Variants in CELF2 observed in about 807,000 individuals in gnomAD.
The protein encoded by CELF2 is CUGBP Elav-like family member 2.
Under a neutral mutation model 62.6 loss-of-function variants are expected in CELF2, and 8 were observed. That is an observed-to-expected ratio of 0.13 (90% CI 0.07 to 0.23). CELF2 has a LOEUF of 0.23. Ranked by LOEUF, CELF2 falls within the 10% of genes least tolerant of loss-of-function variation. CELF2 has a pLI of 1.00. For synonymous variants in CELF2, 258 were observed against 250.0 expected (o/e 1.03, Z -0.30); for missense variants, 333 against 671.0 (o/e 0.50, Z 5.56).
the CELF2 span, among the ~76,000 whole-genome samples, chr10:10,732,818 C>G: frequency 6.6e-6 from 1 of 152,170 alleles, no homozygotes; most frequent in African/African-American, 2.4e-5. Context: ...GCCACCACGC[C>G]CAGCCTCCAA....
chr10:11,154,576 G>A (rs576071412), intron 1 of CELF2, among the ~76,000 whole-genome samples: 6 of 152,190 alleles, frequency 3.9e-5, no homozygotes, highest in Admixed American at 6.5e-5. Flanking sequence ...AACTGCTGTC[G>A]AGGAATTCAG....
At chr10:10,710,809 C>T in the CELF2 span, among the ~76,000 whole-genome samples, 1 of 152,208 alleles carries the variant, frequency 6.6e-6, no homozygotes, top group African/African-American at 2.4e-5. Context: ...TAATACCCTC[C>T]TCATTTTCTT....
chr10:10,873,799 C>T (rs1040965854), intron 1 of CELF2, among the ~76,000 whole-genome samples: 2 of 152,222 alleles, frequency 1.3e-5, no homozygotes, highest in Non-Finnish European at 2.9e-5. Context: ...TTCTCTGAAT[C>T]CTCCTTGTCG....
chr10:10,565,455 G>T, the CELF2 span, among the ~76,000 whole-genome samples: 5 of 152,178 alleles, frequency 3.3e-5, no homozygotes, highest in Non-Finnish European at 7.3e-5. Flanking sequence ...AGGAAGAGGG[G>T]CTTCCTCAAA....
chr10:10,925,011 C>G (rs1564828610), intron 2 of CELF2: 1 of 152,114 alleles, frequency 6.6e-6, no homozygotes, highest in Non-Finnish European at 1.5e-5. Context: ...ACCTCTCCAG[C>G]TGACAATATT....
At chr10:11,026,252 A>G (rs1427502861) in intron 1 of CELF2, among the ~76,000 whole-genome samples, 3 of 152,170 alleles carry the variant, frequency 2.0e-5, no homozygotes, top group Admixed American at 2.0e-4. Context: ...GGGTCCTTGA[A>G]ATTTTTATTG....
At chr10:10,628,468 C>G in the CELF2 span, among the ~76,000 whole-genome samples, 3 of 152,006 alleles carry the variant, frequency 2.0e-5, no homozygotes, top group Non-Finnish European at 2.9e-5. Flanking sequence ...AAGTGGGGAG[C>G]AGGATCTCCA....
intron 1 of CELF2, among the ~76,000 whole-genome samples, chr10:11,143,687 G>A (rs766449107): frequency 6.6e-5 from 10 of 152,084 alleles, no homozygotes; most frequent in Non-Finnish European, 1.3e-4. Context: ...TGCTTATTTC[G>A]CTATTTCAAA....
intron 1 of CELF2, among the ~76,000 whole-genome samples, chr10:11,112,960 C>T (rs143943656): frequency 0.015 from 2,302 of 152,218 alleles, 25 homozygotes; most frequent in Non-Finnish European, 0.023. Context: ...TGCATTTCCA[C>T]ATGCGTAGCC....
At chr10:11,198,882 A>G (rs1465883640) in intron 2 of CELF2, among the ~76,000 whole-genome samples, 1 of 152,246 alleles carries the variant, frequency 6.6e-6, no homozygotes, top group Non-Finnish European at 1.5e-5. Context: ...AAGACTCAAC[A>G]TCTTGTATAT....
rs2133087874 is a variant in CELF2, at chr10:11,159,524, G to A, written c.75-5962G>A. Among the ~76,000 whole-genome samples the A allele has an allele frequency of 6.6e-6, 1 of 152,282 alleles. No individual in the cohort carries two copies. Among genetic ancestry groups the A allele is most frequent in the Non-Finnish European group, 1.5e-5 (1 of 68,014 alleles). ...GAGCATGGACAGGGCGCCTCCTGAG[G>A]GTAGGGCCTGAGTTTCTGATGTGTT... On this transcript the variant is annotated intron_variant, in intron 1 of 12. Transcript: ENST00000633077. This position sits in a 1 kb window ranked among gnomAD's most constrained non-coding sequence, Gnocchi z 5.0.
At chr10:10,544,135 C>T in the CELF2 span, among the ~76,000 whole-genome samples, 467 of 152,262 alleles carry the variant, frequency 3.1e-3, 1 homozygote, top group African/African-American at 9.6e-3. Flanking sequence ...CAAATGCTGG[C>T]GACCAGTGTT....
intron 1 of CELF2, among the ~76,000 whole-genome samples, chr10:10,834,416 A>C (rs2132324925): frequency 6.6e-6 from 1 of 152,286 alleles, no homozygotes; most frequent in South Asian, 2.1e-4. Flanking sequence ...CCAAGACACA[A>C]GTTTACCTAT....
chr10:11,140,602 G>T (rs1359827649), intron 1 of CELF2, among the ~76,000 whole-genome samples: 1 of 152,008 alleles, frequency 6.6e-6, no homozygotes, highest in East Asian at 1.9e-4. Context: ...TGGTATATTG[G>T]AAAAAAGTAC....
chr10:10,535,588 C>T, the CELF2 span, among the ~76,000 whole-genome samples: 10 of 152,176 alleles, frequency 6.6e-5, no homozygotes, highest in East Asian at 1.4e-3. Context: ...GGCATGGTGG[C>T]GGGCGCCTGT....
chr10:10,561,767 C>T, the CELF2 span, among the ~76,000 whole-genome samples: 1 of 152,140 alleles, frequency 6.6e-6, no homozygotes. Flanking sequence ...GATCCTCCCA[C>T]CCCACCCCTT....
At chr10:10,730,717 C>G in the CELF2 span, among the ~76,000 whole-genome samples, 1 of 152,106 alleles carries the variant, frequency 6.6e-6, no homozygotes, top group Non-Finnish European at 1.5e-5. Flanking sequence ...CGTCCTGGCC[C>G]TTTTGTGGAT....
intron 1 of CELF2, among the ~76,000 whole-genome samples, chr10:10,814,021 T>C (rs2056194155): frequency 6.6e-6 from 1 of 152,012 alleles, no homozygotes; most frequent in Admixed American, 6.6e-5. Context: ...CTCCTTTCAC[T>C]TTGGATATAT....
At chr10:10,625,951 C>T in the CELF2 span, among the ~76,000 whole-genome samples, 4 of 151,136 alleles carry the variant, frequency 2.6e-5, no homozygotes, top group South Asian at 2.1e-4. Flanking sequence ...AAGTTGTCTG[C>T]GAAAGTCAAA....
Sources: gnomAD v4.1 joint callset for allele counts (sites outside exome capture counted in the v4.1 genomes callset) on GRCh38, gnomAD v4.1.1 for gene constraint, Gnocchi (gnomAD v3.1) non-coding constraint, MANE v1.5 for transcripts, NCBI Gene and HGNC (gene_info 2026-07-23, HGNC 2026-07-21) for gene names.